The following WDR64 variants were observed in gnomAD, a reference collection of about 807,000 sequenced individuals.
WDR64 encodes the protein WD repeat-containing protein 64.
A neutral mutation model predicts 139.3 loss-of-function variants in WDR64; 112 were observed. The observed-to-expected ratio is 0.80, with a 90% confidence interval of 0.69 to 0.94. The LOEUF (loss-of-function observed/expected upper bound fraction) is 0.94, where lower values mean the gene tolerates loss of function less well. Ranked by LOEUF, WDR64 falls within the 40% of genes least tolerant of loss-of-function variation. WDR64 has a pLI of 0.00. For synonymous variants in WDR64, 444 were observed against 437.7 expected, an observed-to-expected ratio of 1.01 and a Z score of -0.18; for missense variants, 1,206 against 1,293.1, an observed-to-expected ratio of 0.93 and a Z score of 1.03.
Position 241,790,614 on chromosome 1 carries a change from C to T in WDR64, c.2915C>T (p.Ser972Phe). 1.2e-6 allele frequency: 2 copies of T among 1,610,290 alleles called. No homozygotes were observed. Among genetic ancestry groups the T allele is most frequent in the Admixed American group, 1.7e-5 (1 of 59,180 alleles). Residue 972 changes from serine to phenylalanine, a missense_variant, in exon 25 of 28, where the codon TCT becomes TTT. Transcript: ENST00000437684. ...AGATGGAGAAAAATGAGCTCAGTGT[C>T]TCTACTTTTCAAACGCACACCTCCC... ...REKWRKMSSVSLLFKRTPPKA... is the reference protein window; with the variant it reads ...REKWRKMSSVFLLFKRTPPKA...
At chr1:241,756,466 G>A (rs190104108) in intron 14 of WDR64, among the ~76,000 whole-genome samples, 1 of 152,192 alleles carries the variant, frequency 6.6e-6, no homozygotes, top group African/African-American at 2.4e-5. Flanking sequence ...GAAATGATGG[G>A]GTTTTCTAAA....
At chr1:241,737,427 C>G (rs901301334) in intron 10 of WDR64, among the ~76,000 whole-genome samples, 4 of 152,186 alleles carry the variant, frequency 2.6e-5, no homozygotes, top group African/African-American at 9.7e-5. Context: ...CTTAACTAAA[C>G]TACTTACTGA....
intron 8 of WDR64, among the ~76,000 whole-genome samples, chr1:241,708,704 G>GTTTT (rs1331215028): frequency 4.7e-5 from 2 of 42,710 alleles, no homozygotes; most frequent in Admixed American, 2.2e-4. Context: ...TTTTTTTTTT[G>GTTTT]TTTTTTTGTT....
chr1:241,660,027 T>G (rs1375622838), intron 1 of WDR64, among the ~76,000 whole-genome samples: 1 of 152,196 alleles, frequency 6.6e-6, no homozygotes, highest in Non-Finnish European at 1.5e-5. Context: ...CTTCTAGAGT[T>G]TTTATAGTTT....
chr1:241,681,483 T>C (rs559907458), intron 6 of WDR64, among the ~76,000 whole-genome samples: 1 of 152,326 alleles, frequency 6.6e-6, no homozygotes, highest in East Asian at 1.9e-4. Context: ...AGTATTCCAT[T>C]GTATATGTAT....
At chr1:241,685,898 G>A (rs1374848188) in intron 7 of WDR64, among the ~76,000 whole-genome samples, 4 of 152,140 alleles carry the variant, frequency 2.6e-5, no homozygotes, top group African/African-American at 9.7e-5. Flanking sequence ...GCTGAGACAT[G>A]AATCTGCTTT....
intron 9 of WDR64, among the ~76,000 whole-genome samples, chr1:241,722,027 G>GT (rs1668631151): frequency 2.2e-5 from 1 of 46,020 alleles, no homozygotes; most frequent in Non-Finnish European, 4.5e-5. Context: ...TCATAAAACT[G>GT]TGTGTGTGTG....
At chr1:241,738,315 A>G (rs2148236480) in intron 10 of WDR64, 48 bp from the exon 11 acceptor site, 1 of 1,584,346 alleles carries the variant, frequency 6.3e-7, no homozygotes, top group South Asian at 1.2e-5. Context: ...ATCTTGGGTG[A>G]GAAAGGTGAG....
Position 241,723,262 on chromosome 1 carries a change from GA to G in WDR64, c.1055-31del, listed in dbSNP as rs543261614. 2.2e-4 allele frequency: 358 copies of G among 1,611,916 alleles called. 2 individuals carry two copies. In the African/African-American group the frequency reaches 4.5e-3, roughly 20 times the overall value. On this transcript the variant is annotated intron_variant, in intron 9 of 27. Coordinates refer to ENST00000437684, the MANE Select transcript of WDR64 (RefSeq NM_001367482.1). Reference sequence around the variant, plus strand: ...TACATTTGAAACTCTGACCACCTCAGAAAACCAACAATCTTTCCCTGTCCTC... The same window carrying G: ...TACATTTGAAACTCTGACCACCTCAGAAACCAACAATCTTTCCCTGTCCTC...
At chr1:241,785,165 C>T (rs1384513975) in intron 23 of WDR64, among the ~76,000 whole-genome samples, 1 of 152,038 alleles carries the variant, frequency 6.6e-6, no homozygotes, top group African/African-American at 2.4e-5. Context: ...CACATATGTA[C>T]ATGCCACTGT....
rs551093897 is a variant in WDR64 at position 241,785,295 on chromosome 1, G to A, written c.2705+1914G>A. On this transcript the variant is annotated intron_variant, in intron 23 of 27. Transcript: ENST00000437684. The stretch of plus-strand genomic sequence containing the variant: ...CTCACTGTTCTGAAGTCTGGGATGT[G>A]CAAGATCAAGGCGCTGGCAGATTCA... Among the ~76,000 whole-genome samples the A allele has an allele frequency of 3.3e-5, 5 of 152,258 alleles. No homozygotes were observed. In the East Asian group the frequency reaches 7.7e-4, roughly 23 times the overall value.
intron 9 of WDR64, among the ~76,000 whole-genome samples, chr1:241,716,287 GAAA>G (rs10696205): frequency 4.1e-5 from 6 of 145,256 alleles, no homozygotes; most frequent in African/African-American, 1.3e-4. Context: ...GCTTTTGCAG[GAAA>G]AAAAAAAAAG....
intron 24 of WDR64, among the ~76,000 whole-genome samples, chr1:241,788,668 G>T (rs977508526): frequency 6.6e-6 from 1 of 152,144 alleles, no homozygotes; most frequent in African/African-American, 2.4e-5. Flanking sequence ...TTCAAAAGAT[G>T]GTAGAAGGGT....
chr1:241,773,608 T>C lies in WDR64; in HGVS notation c.2430+677T>C, dbSNP rs866176690. On this transcript the variant is annotated intron_variant, in intron 20 of 27. Transcript: ENST00000437684. Reference sequence around the variant, plus strand: ...CTCGGCCTTCGAGTAGCTGAGGCTATAGGCGTGTGCCAGCACACCCAGCTA... The same window carrying C: ...CTCGGCCTTCGAGTAGCTGAGGCTACAGGCGTGTGCCAGCACACCCAGCTA... Among the ~76,000 whole-genome samples, 3 of 152,242 alleles carry C rather than the reference T, an allele frequency of 2.0e-5. No homozygotes were observed. In the Middle Eastern group the frequency reaches 0.01, roughly 518 times the overall value.
intron 4 of WDR64, among the ~76,000 whole-genome samples, chr1:241,675,023 C>T (rs1666439001): frequency 4.3e-5 from 1 of 23,272 alleles, no homozygotes; most frequent in South Asian, 1.7e-3. Flanking sequence ...CTTTCTTCTT[C>T]CTTCCCTCCC....
chr1:241,784,224 A>G (rs1658951835), intron 23 of WDR64, among the ~76,000 whole-genome samples: 1 of 152,216 alleles, frequency 6.6e-6, no homozygotes, highest in Non-Finnish European at 1.5e-5. Context: ...TAGCCACTGC[A>G]CAGAATTTTA....
intron 9 of WDR64, among the ~76,000 whole-genome samples, chr1:241,719,444 TG>T (rs1223399596): frequency 6.6e-6 from 1 of 152,114 alleles, no homozygotes; most frequent in African/African-American, 2.4e-5. Context: ...TTGAAGAATA[TG>T]GAAGTATTCT....
At chr1:241,724,830 G>C (rs953540401) in intron 10 of WDR64, among the ~76,000 whole-genome samples, 2 of 152,136 alleles carry the variant, frequency 1.3e-5, no homozygotes, top group Non-Finnish European at 2.9e-5. Flanking sequence ...GCTGTGCTAA[G>C]TATTTTACAT....
chr1:241,801,057 A>G (rs1659509765), intron 27 of WDR64, 75 bp from the exon 28 acceptor site: 3 of 1,203,604 alleles, frequency 2.5e-6, no homozygotes, highest in Non-Finnish European at 3.7e-6. Flanking sequence ...TAAATTAGCA[A>G]TACACCTTGA....
Sources: gnomAD v4.1 joint callset for allele counts (sites outside exome capture counted in the v4.1 genomes callset) on GRCh38, gnomAD v4.1.1 for gene constraint, MANE v1.5 for transcripts, NCBI Gene and HGNC (gene_info 2026-07-23, HGNC 2026-07-21) for gene names.